The following MED25 variants were observed in gnomAD, a reference collection of about 807,000 sequenced individuals.
MED25 encodes mediator of RNA polymerase II transcription subunit 25.
Under a neutral mutation model 89.4 loss-of-function variants are expected in MED25, and 62 were observed. That is an observed-to-expected ratio of 0.69 (90% CI 0.57 to 0.86). MED25 has a LOEUF of 0.86. Among genes scored for constraint, MED25 ranks in the 40% least tolerant of loss-of-function variants. MED25 has a pLI of 0.00. For missense variants in MED25, 905 were observed against 1,005.2 expected (o/e 0.90, Z 1.35); for synonymous variants, 449 against 427.9 (o/e 1.05, Z -0.61).
Position 49,836,175 on chromosome 19 carries a change from G to C in MED25, c.1966-51G>C. 1 of 1,587,764 alleles carries C rather than the reference G, an allele frequency of 6.3e-7. No individual in the cohort carries two copies. The highest frequency in any genetic ancestry group is 8.6e-7 in the Non-Finnish European group (1 of 1,160,398). ...TCTCTGAGCAGTGTCTGTGTTGAGA[G>C]GTGGGGAGTCTCTACCAGGAGCCTC... On this transcript the variant is annotated intron_variant, in intron 16 of 17. Coordinates refer to ENST00000312865, the MANE Select transcript of MED25 (RefSeq NM_030973.4). The surrounding 1 kb of genome is among the most constrained non-coding windows in gnomAD (Gnocchi z 5.1).
chr19:49,831,561 G>A lies in MED25; in HGVS notation c.1230+100G>A. 1 of 1,418,580 alleles carries A rather than the reference G, an allele frequency of 7.0e-7. No individual in the cohort carries two copies. Among genetic ancestry groups the A allele is most frequent in the Non-Finnish European group, 9.5e-7 (1 of 1,047,504 alleles). The allele number at this position is 1,418,580 out of a possible 1,614,324, so 87.9% of individuals were successfully genotyped here. ...CCAGATGCGTGGGGTCTGCAGTGCT[G>A]GGTTTGGAGGCATTCGTTGCGCTGG... On this transcript the variant is annotated intron_variant, in intron 10 of 17. Coordinates refer to ENST00000312865, the MANE Select transcript of MED25 (RefSeq NM_030973.4). The surrounding 1 kb of genome is among the most constrained non-coding windows in gnomAD (Gnocchi z 5.0).
intron 3 of MED25, among the ~76,000 whole-genome samples, chr19:49,822,414 T>G (rs1173305703): frequency 2.0e-5 from 3 of 151,970 alleles, no homozygotes; most frequent in Non-Finnish European, 2.9e-5. Flanking sequence ...CTTGGGTGAC[T>G]GACTGACTGA....
downstream of MED25, among the ~76,000 whole-genome samples, chr19:49,837,955 G>A (rs1273228756): frequency 1.3e-5 from 2 of 152,022 alleles, no homozygotes; most frequent in African/African-American, 4.8e-5. Context: ...GACGTGGCAA[G>A]GTGAGGGACC....
chr19:49,820,165 A>C (rs1181425508), intron 3 of MED25, among the ~76,000 whole-genome samples: 1 of 152,102 alleles, frequency 6.6e-6, no homozygotes, highest in Non-Finnish European at 1.5e-5. Context: ...CCCTCGGGTT[A>C]AAGCAGGAGA....
Position 49,835,012 on chromosome 19 carries a change from G to A in MED25, c.1509G>A (p.Thr503=), listed in dbSNP as rs767590350. ...GFAGCVHFPH[T]APCEVRVLML... ...CGGGCTGCGTGCACTTCCCCCACACGGCGCCCTGTGAGGTGCGCGTGCTCA... is the reference window on the plus strand; with the variant it reads ...CGGGCTGCGTGCACTTCCCCCACACAGCGCCCTGTGAGGTGCGCGTGCTCA... Residue 503 remains threonine (T), a synonymous_variant, in exon 14 of 18, where the codon ACG becomes ACA. Transcript: ENST00000312865. This position sits in a 1 kb window ranked among gnomAD's most constrained non-coding sequence, Gnocchi z 6.2. The A allele has an allele frequency of 4.3e-6, 7 of 1,613,962 alleles. No individual in the cohort carries two copies. Among genetic ancestry groups the A allele is most frequent in the East Asian group, 2.2e-5 (1 of 44,862 alleles).
chr19:49,835,755 C>T lies in MED25; in HGVS notation c.1775C>T (p.Pro592Leu), dbSNP rs375857851. 2.9e-5 allele frequency: 47 copies of T among 1,610,642 alleles called. No homozygotes were observed. The highest frequency in any genetic ancestry group is 3.9e-5 in the Non-Finnish European group (46 of 1,178,662). ...LLQLRPPQPQ[P>L]QGTVGASGAT... ...CAGCTCCGCCCACCGCAGCCCCAGC[C>T]TCAGGGTACCGTAGGGGCCTCTGGG... is the stretch of plus-strand genomic sequence containing the variant. The change falls in exon 16 of 18, where the codon CCT becomes CTT. Residue 592 changes from proline (P) to leucine (L), a missense_variant. Coordinates refer to ENST00000312865, the MANE Select transcript of MED25 (RefSeq NM_030973.4). The surrounding 1 kb of genome is among the most constrained non-coding windows in gnomAD (Gnocchi z 6.2).
At chr19:49,819,441 A>G in intron 3 of MED25, 145 bp downstream of exon 3, 1 of 853,680 alleles carries the variant, frequency 1.2e-6, no homozygotes, top group Non-Finnish European at 1.9e-6. Context: ...GGGGCTGTGA[A>G]TAAGTAATGG....
chr19:49,824,103 G>C (rs939134125), intron 3 of MED25, among the ~76,000 whole-genome samples: 17 of 152,086 alleles, frequency 1.1e-4, no homozygotes, highest in African/African-American at 3.9e-4. Context: ...GCCAGCACAG[G>C]GCCTGGTACA....
Position 49,829,238 on chromosome 19 carries a change from G to A in MED25, c.525+148G>A, listed in dbSNP as rs969159732. 2 of 704,888 alleles carry A rather than the reference G, an allele frequency of 2.8e-6. No individual in the cohort carries two copies. Among genetic ancestry groups the A allele is most frequent in the Non-Finnish European group, 5.0e-6 (2 of 401,636 alleles). The allele number at this position is 704,888 out of a possible 1,614,324, so 43.7% of individuals were successfully genotyped here. A position where few individuals can be genotyped will look rare whatever the true frequency, so the allele number is the denominator to read the frequency against. On this transcript the variant is annotated intron_variant, in intron 5 of 17. Transcript: ENST00000312865. The surrounding 1 kb of genome is among the most constrained non-coding windows in gnomAD (Gnocchi z 4.6). ...TGGGTCTAAGCGGGGAGGCACTGGG[G>A]GCCTGGACTCAGACACAGAATAGTC...
chr19:49,836,909 G>T lies in MED25; in HGVS notation c.2209G>T (p.Val737Phe). The T allele has an allele frequency of 6.2e-7, 1 of 1,613,040 alleles. No homozygotes were observed. The highest frequency in any genetic ancestry group is 1.3e-5 in the African/African-American group (1 of 75,056). ...PVPQPGLQPSVMEDDILMDLI is the reference protein window; with the variant it reads ...PVPQPGLQPSFMEDDILMDLI The stretch of plus-strand genomic sequence containing the variant: ...CCCCCAGCCGGGCCTGCAGCCCAGC[G>T]TCATGGAGGACGACATCCTCATGGA... Residue 737 changes from valine to phenylalanine, a missense_variant, in exon 18 of 18, where the codon GTC becomes TTC. Physicochemically the swap from Val to Phe is conservative, Grantham distance 50 (BLOSUM62 -1). Around this residue, in one of 3 missense-constraint regions of MED25, gnomAD observed 271 missense variants for 258.1 expected, o/e 1.05. Transcript: ENST00000312865. The surrounding 1 kb of genome is among the most constrained non-coding windows in gnomAD (Gnocchi z 5.1).
chr19:49,819,668 C>T (rs979777770), intron 3 of MED25: 4 of 353,020 alleles, frequency 1.1e-5, no homozygotes, highest in African/African-American at 6.4e-5. Flanking sequence ...CCTGGCTGAG[C>T]TCCAGCAGCC....
chr19:49,836,980 C>T (rs1421471101), downstream of MED25: 7 of 1,517,034 alleles, frequency 4.6e-6, no homozygotes, highest in East Asian at 2.3e-5. This position sits in a 1 kb window ranked among gnomAD's most constrained non-coding sequence, Gnocchi z 5.1. Context: ...TTTTAACACA[C>T]GCCCCGGCTC....
chr19:49,819,119 G>C, intron 2 of MED25, 53 bp from the exon 3 acceptor site: 1 of 1,609,874 alleles, frequency 6.2e-7, no homozygotes. Context: ...CCTTCTCTAA[G>C]GGAAAAGGGA....
rs1398725887 is a variant in MED25 at position 49,829,133 on chromosome 19, G to T, written c.525+43G>T. ...TGAGGGACGAGGGTCTGGGGGCCCG[G>T]AGTCTTGGGTCTGAGGCAGGAGGCA... is the stretch of plus-strand genomic sequence containing the variant. On this transcript the variant is annotated intron_variant, in intron 5 of 17. Coordinates refer to ENST00000312865, the MANE Select transcript of MED25 (RefSeq NM_030973.4). This position sits in a 1 kb window ranked among gnomAD's most constrained non-coding sequence, Gnocchi z 4.6. 1.3e-6 allele frequency: 2 copies of T among 1,575,706 alleles called. No individual in the cohort carries two copies. The highest frequency in any genetic ancestry group is 2.7e-5 in the African/African-American group (2 of 73,906).
Position 49,830,603 on chromosome 19 carries a change from G to A in MED25, c.907+5G>A. The stretch of plus-strand genomic sequence containing the variant: ...AGGCTGGGCTGGGCCCTCGCTGTGA[G>A]TCCTGGAGTGAGGATGAAGGGCGGG... On this transcript the variant is annotated splice_donor_5th_base_variant and intron_variant, in intron 8 of 17. Coordinates refer to ENST00000312865, the MANE Select transcript of MED25 (RefSeq NM_030973.4). The surrounding 1 kb of genome is among the most constrained non-coding windows in gnomAD (Gnocchi z 4.6). 6.2e-7 allele frequency: 1 copy of A among 1,614,126 alleles called. No individual in the cohort carries two copies. The highest frequency in any genetic ancestry group is 8.5e-7 in the Non-Finnish European group (1 of 1,179,964).
chr19:49,824,141 A>G (rs188347082), intron 3 of MED25, among the ~76,000 whole-genome samples: 3 of 152,262 alleles, frequency 2.0e-5, no homozygotes, highest in Non-Finnish European at 1.5e-5. Context: ...ATTCTGTAGA[A>G]TGAATGTCCA....
rs1324443636 is a variant in MED25 at position 49,832,380 on chromosome 19, C to G, written c.1447C>G (p.Leu483Val). Reference protein sequence around the residue: ...FHFTNKDLESLKGLYRIMGNG... With the variant: ...FHFTNKDLESVKGLYRIMGNG... ...TTTCACCAACAAGGACCTGGAGTCT[C>G]TCAAAGGCCTCTACCGCATCATGGG... is the stretch of plus-strand genomic sequence containing the variant. Residue 483 changes from leucine to valine, a missense_variant, in exon 13 of 18, where the codon CTC becomes GTC. This residue lies in a region of MED25 where 133 missense variants were observed against 220.2 expected (regional missense o/e 0.60). Coordinates refer to ENST00000312865, the MANE Select transcript of MED25 (RefSeq NM_030973.4). 1.9e-6 allele frequency: 3 copies of G among 1,610,542 alleles called. No homozygotes were observed. The highest frequency in any genetic ancestry group is 1.7e-6 in the Non-Finnish European group (2 of 1,177,954).
chr19:49,824,336 A>G (rs540970574), intron 3 of MED25, among the ~76,000 whole-genome samples: 7 of 152,156 alleles, frequency 4.6e-5, no homozygotes, highest in African/African-American at 9.7e-5. Context: ...TGCTTCTGCC[A>G]TTTGCTTCCA....
rs2074061262 is a variant in MED25 at position 49,832,034 on chromosome 19, CA to C, written c.1316+14del. The C allele has an allele frequency of 5.6e-6, 9 of 1,613,458 alleles. No individual in the cohort carries two copies. Among genetic ancestry groups the C allele is most frequent in the Admixed American group, 5.0e-5 (3 of 60,004 alleles). On this transcript the variant is annotated intron_variant, in intron 11 of 17. Coordinates refer to ENST00000312865, the MANE Select transcript of MED25 (RefSeq NM_030973.4). ...ATGGCGAGAACCTGTAGGTGACAGTCAGGGGCGGGGTGTGGTGGGGCTGGGG... is the reference window on the plus strand; with the variant it reads ...ATGGCGAGAACCTGTAGGTGACAGTCGGGGCGGGGTGTGGTGGGGCTGGGG...
Sources: allele counts gnomAD v4.1 joint callset (sites outside exome capture counted in the v4.1 genomes callset), GRCh38; gene constraint gnomAD v4.1.1; regional missense constraint gnomAD v4.1.1; non-coding constraint Gnocchi (gnomAD v3.1); transcripts MANE v1.5; gene names NCBI Gene and HGNC (gene_info 2026-07-23, HGNC 2026-07-21).